OR7C1: variants seen among roughly 807,000 people sequenced by gnomAD.
OR7C1 encodes the protein olfactory receptor family 7 subfamily C member 1, also known as olfactory receptor 7C1.
For missense variants in OR7C1, 324 were observed against 383.3 expected, an observed-to-expected ratio of 0.85 and a Z score of 1.29; for synonymous variants, 152 against 160.7, an observed-to-expected ratio of 0.95 and a Z score of 0.41.
chr19:14,810,201 T>G (rs2044684340), intron 1 of OR7C1, among the ~76,000 whole-genome samples: 1 of 151,724 alleles, frequency 6.6e-6, no homozygotes, highest in Non-Finnish European at 1.5e-5. Flanking sequence ...ATTCGATGGT[T>G]TTCATCTCCC....
chr19:14,825,941 G>T (rs929115055), intron 1 of OR7C1: 11 of 152,148 alleles, frequency 7.2e-5, no homozygotes, highest in African/African-American at 2.7e-4. Flanking sequence ...AGAATAGTCT[G>T]CTGCTTCTTA....
chr19:14,830,577 A>T (rs1191258407), intron 1 of OR7C1, among the ~76,000 whole-genome samples: 1 of 152,218 alleles, frequency 6.6e-6, no homozygotes, highest in Non-Finnish European at 1.5e-5. Context: ...TAAAAGATCA[A>T]AAATAAAGAA....
rs61731998 is a variant in OR7C1 at position 14,827,600 on chromosome 19, G to C, written c.-623+7474C>G. 3.5e-3 allele frequency: 5,641 copies of C among 1,614,132 alleles called. 167 individuals carry two copies. The African/African-American group carries it at 0.065, about 18-fold the overall frequency. On this transcript the variant is annotated intron_variant, in intron 1 of 4. Transcript: ENST00000641666. ...AAATTATCTTAGAGTAAGAGTAAAG[G>C]ATCCCAGTCAGGGGACCTCCACCCA... is the stretch of plus-strand genomic sequence containing the variant.
exon 4 of OR7C1, chr19:14,800,312 T>C (rs1439368084): frequency 2.9e-6 from 2 of 684,270 alleles, no homozygotes; most frequent in East Asian, 2.8e-5. Flanking sequence ...TTTTCTTTGC[T>C]ACCATCGGGA....
chr19:14,830,866 G>A (rs1016447886), intron 1 of OR7C1, among the ~76,000 whole-genome samples: 1 of 152,092 alleles, frequency 6.6e-6, no homozygotes, highest in Non-Finnish European at 1.5e-5. Flanking sequence ...CAATCTTCCT[G>A]CACCCGTCTT....
At chr19:14,812,858 G>A (rs2044697841) in intron 1 of OR7C1, among the ~76,000 whole-genome samples, 1 of 151,630 alleles carries the variant, frequency 6.6e-6, no homozygotes, top group Non-Finnish European at 1.5e-5. Flanking sequence ...GAGGTCAGGA[G>A]TTCAAGACCG....
chr19:14,829,068 A>T (rs1186956109), intron 1 of OR7C1, among the ~76,000 whole-genome samples: 1 of 152,192 alleles, frequency 6.6e-6, no homozygotes, highest in East Asian at 1.9e-4. Context: ...TTTGCTGATT[A>T]TTATTCAAGA....
At chr19:14,827,736 C>T in intron 1 of OR7C1, 1 of 1,614,090 alleles carries the variant, frequency 6.2e-7, no homozygotes, top group South Asian at 1.1e-5. Flanking sequence ...TAAGGCTGTG[C>T]AGAAGGACAG....
intron 1 of OR7C1, among the ~76,000 whole-genome samples, chr19:14,817,801 A>G (rs751441163): frequency 6.6e-5 from 10 of 152,210 alleles, no homozygotes; most frequent in Non-Finnish European, 1.5e-4. Context: ...TGGAATTCCA[A>G]TTGGTAAGAC....
At chr19:14,830,760 C>T (rs1257781190) in intron 1 of OR7C1, among the ~76,000 whole-genome samples, 3 of 152,164 alleles carry the variant, frequency 2.0e-5, no homozygotes, top group African/African-American at 7.2e-5. Context: ...GTCAGGCTGG[C>T]TGAAGCAGGG....
At chr19:14,820,895 C>A (rs2145068403) in intron 1 of OR7C1, among the ~76,000 whole-genome samples, 1 of 152,246 alleles carries the variant, frequency 6.6e-6, no homozygotes, top group Admixed American at 6.5e-5. Context: ...CTGGGAATTA[C>A]AAAGAACAGA....
At chr19:14,834,345 G>A (rs556761443) in intron 1 of OR7C1, among the ~76,000 whole-genome samples, 1 of 152,128 alleles carries the variant, frequency 6.6e-6, no homozygotes, top group African/African-American at 2.4e-5. Context: ...CCTCGCCACA[G>A]TGTTTCTCAA....
exon 5 of OR7C1, chr19:14,798,524 GAGC>G (rs1399264805): frequency 6.6e-6 from 1 of 152,322 alleles, no homozygotes; most frequent in African/African-American, 2.4e-5. Flanking sequence ...GTGAGGTTAA[GAGC>G]AGAAGTTTAA....
At chr19:14,809,919 C>T (rs1363440589) in exon 2 of OR7C1, 2 of 152,014 alleles carry the variant, frequency 1.3e-5, no homozygotes, top group Admixed American at 6.6e-5. Context: ...GGCTGGTTCT[C>T]TGGAGTGGAT....
At chr19:14,834,331 T>C (rs2044863498) in intron 1 of OR7C1, among the ~76,000 whole-genome samples, 1 of 152,142 alleles carries the variant, frequency 6.6e-6, no homozygotes, top group African/African-American at 2.4e-5. Flanking sequence ...AGCCAGCAGA[T>C]ATTCCTCGCC....
At chr19:14,799,630 G>A (rs2044629611) in exon 5 of OR7C1, 3 of 1,613,728 alleles carry the variant, frequency 1.9e-6, no homozygotes, top group Non-Finnish European at 2.5e-6. Flanking sequence ...CCATTTCGGT[G>A]CAGAAGGACA....
At chr19:14,823,730 G>T (rs1339167211) in intron 1 of OR7C1, among the ~76,000 whole-genome samples, 1 of 152,102 alleles carries the variant, frequency 6.6e-6, no homozygotes, top group African/African-American at 2.4e-5. Context: ...GACTATTTCT[G>T]AGTTATTTCA....
At chr19:14,816,506 C>T (rs1047290535) in intron 1 of OR7C1, among the ~76,000 whole-genome samples, 25 of 152,148 alleles carry the variant, frequency 1.6e-4, no homozygotes, top group Non-Finnish European at 2.6e-4. Flanking sequence ...TTCCTGCCCT[C>T]GAACATCAGA....
At position 14,832,903 on chromosome 19, in the gene OR7C1, C is replaced by CATAATAATATTATGTT. The variant is rs1486551467; in HGVS notation, c.-623+2170_-623+2171insAACATAATATTATTAT. Reference sequence around the variant, plus strand: ...TATAATAATAATTTAATCATATCAACATAAATTAATAAATTGGCAAAAATC... The same window carrying CATAATAATATTATGTT: ...TATAATAATAATTTAATCATATCAACATAATAATATTATGTTATAAATTAATAAATTGGCAAAAATC... On this transcript the variant is annotated intron_variant, in intron 1 of 4. Coordinates refer to ENST00000641666, the Ensembl canonical transcript of OR7C1. Among the ~76,000 whole-genome samples, 244 of 152,196 alleles carry CATAATAATATTATGTT rather than the reference C, an allele frequency of 1.6e-3. 1 individual carries two copies. The highest frequency in any genetic ancestry group is 5.7e-3 in the African/African-American group (237 of 41,520).
Sources: gnomAD v4.1 joint callset for allele counts (sites outside exome capture counted in the v4.1 genomes callset) on GRCh38, gnomAD v4.1.1 for gene constraint, MANE v1.5 for transcripts, NCBI Gene and HGNC (gene_info 2026-07-23, HGNC 2026-07-21) for gene names.